Variants in DDX27 observed in about 807,000 individuals in gnomAD.
The protein encoded by DDX27 is DEAD-box helicase 27, also known as probable ATP-dependent RNA helicase DDX27.
In DDX27, 42 loss-of-function variants were observed where a neutral mutation model predicts 99.3. That is an observed-to-expected ratio of 0.42 (90% CI 0.33 to 0.55). The LOEUF is 0.55. Among genes scored for constraint, DDX27 ranks in the 20% least tolerant of loss-of-function variants. The probability of loss-of-function intolerance (pLI) is 0.07; values close to 1 mark genes in which losing one functional copy is unlikely to be tolerated. For synonymous variants in DDX27, 329 were observed against 353.8 expected (o/e 0.93, Z 0.79); for missense variants, 798 against 976.8 (o/e 0.82, Z 2.44).
At chr20:49,235,185 G>A in intron 12 of DDX27, 97 bp downstream of exon 12, 3 of 1,369,066 alleles carry the variant, frequency 2.2e-6, no homozygotes, top group Non-Finnish European at 2.9e-6. Context: ...TAGAACATTA[G>A]CAGGGGACAC....
At chr20:49,220,958 C>G (rs1182744398) in intron 1 of DDX27, among the ~76,000 whole-genome samples, 1 of 152,120 alleles carries the variant, frequency 6.6e-6, no homozygotes. Context: ...ACACTCCAGT[C>G]TCATTCACTT....
Position 49,221,599 on chromosome 20 carries a change from G to A in DDX27, c.240+1G>A. On this transcript the variant is annotated splice_donor_variant, in intron 2 of 20. Coordinates refer to ENST00000618172, the MANE Select transcript of DDX27 (RefSeq NM_017895.8). LOFTEE classifies it high-confidence loss of function. ...TGTCATGAGCCAACTCAAGAAGAAG[G>A]TGAGACTGACAGTGATGGACAGCTC... The A allele has an allele frequency of 6.3e-7, 1 of 1,596,292 alleles. No homozygotes were observed. Among genetic ancestry groups the A allele is most frequent in the Non-Finnish European group, 8.5e-7 (1 of 1,170,496 alleles).
intron 16 of DDX27, among the ~76,000 whole-genome samples, chr20:49,240,603 A>G (rs1279854423): frequency 6.6e-6 from 1 of 151,924 alleles, no homozygotes; most frequent in Non-Finnish European, 1.5e-5. Context: ...AATTTTTTGT[A>G]TTTTTAGTAG....
Position 49,222,938 on chromosome 20 carries a change from T to C in DDX27, c.241-19T>C. 1 of 1,584,874 alleles carries C rather than the reference T, an allele frequency of 6.3e-7. No individual in the cohort carries two copies. The highest frequency in any genetic ancestry group is 8.6e-7 in the Non-Finnish European group (1 of 1,168,930). Reference sequence around the variant, plus strand: ...TTTCAATGAAAATTTCTTTTTCACCTCTTTATTTTTATCTGCAGAGGGCAG... The same window carrying C: ...TTTCAATGAAAATTTCTTTTTCACCCCTTTATTTTTATCTGCAGAGGGCAG... On this transcript the variant is annotated intron_variant, in intron 2 of 20. Coordinates refer to ENST00000618172, the MANE Select transcript of DDX27 (RefSeq NM_017895.8).
chr20:49,223,574 T>A, intron 4 of DDX27, 141 bp downstream of exon 4: 1 of 416,570 alleles, frequency 2.4e-6, no homozygotes, highest in Non-Finnish European at 3.7e-6. Flanking sequence ...CTTTCTTTCT[T>A]TTTTTTTTTT....
chr20:49,228,644 C>A, intron 7 of DDX27, 71 bp from the exon 8 acceptor site: 1 of 1,375,782 alleles, frequency 7.3e-7, no homozygotes. Flanking sequence ...TTTTTCTGTG[C>A]TCTGGTGAAA....
At chr20:49,240,359 C>T (rs989534051) in intron 16 of DDX27, among the ~76,000 whole-genome samples, 1 of 152,202 alleles carries the variant, frequency 6.6e-6, no homozygotes, top group African/African-American at 2.4e-5. Context: ...TCACATTGTT[C>T]TATGCCTCGC....
intron 7 of DDX27, among the ~76,000 whole-genome samples, chr20:49,228,492 T>C (rs1431356226): frequency 1.3e-5 from 2 of 151,120 alleles, no homozygotes; most frequent in African/African-American, 2.4e-5. Context: ...AGGCTGGTCT[T>C]GAACTCCTGA....
chr20:49,235,089 G>GT lies in DDX27; in HGVS notation c.1427+2dup. On this transcript the variant is annotated splice_donor_variant, in intron 12 of 20. Transcript: ENST00000618172. LOFTEE classifies it high-confidence loss of function. ...AGACGCAGCGGCTGGAGGCCCTCCG[G>GT]TAACATTTGGGGTGGGGACTGAGGC... 6.2e-7 allele frequency: 1 copy of GT among 1,600,324 alleles called. No homozygotes were observed. Among genetic ancestry groups the GT allele is most frequent in the East Asian group, 2.2e-5 (1 of 44,738 alleles).
rs1006561155 is a variant in DDX27, at chr20:49,243,855, T to G, written c.*21T>G. ...AGTAGCTGTCGTGGCCTGAAGAAAT[T>G]CATGGGGGCAGCCCTTAAATCCCTT... On this transcript the variant is annotated 3_prime_UTR_variant, in exon 21 of 21. Coordinates refer to ENST00000618172, the MANE Select transcript of DDX27 (RefSeq NM_017895.8). 2 of 1,614,064 alleles carry G rather than the reference T, an allele frequency of 1.2e-6. No homozygotes were observed. Among genetic ancestry groups the G allele is most frequent in the Non-Finnish European group, 1.7e-6 (2 of 1,179,998 alleles).
At position 49,243,902 on chromosome 20, in the gene DDX27, C is replaced by G; in HGVS notation, c.*68C>G. 6.4e-7 allele frequency: 1 copy of G among 1,574,036 alleles called. No homozygotes were observed. Among genetic ancestry groups the G allele is most frequent in the Non-Finnish European group, 8.7e-7 (1 of 1,150,730 alleles). ...CCTTCCCTGTGGGAAGTCATCCTGG[C>G]TGGTCTGTCTTTTCTCCATTTGTTT... On this transcript the variant is annotated 3_prime_UTR_variant, in exon 21 of 21. Transcript: ENST00000618172.
At chr20:49,233,841 A>G (rs1269758775) in intron 11 of DDX27, 132 bp downstream of exon 11, 2 of 963,240 alleles carry the variant, frequency 2.1e-6, no homozygotes, top group East Asian at 2.5e-5. Context: ...GCTGCACTGC[A>G]CTAATGATGA....
chr20:49,226,601 C>T (rs1979897182), intron 7 of DDX27, 66 bp downstream of exon 7: 3 of 1,119,610 alleles, frequency 2.7e-6, no homozygotes, highest in African/African-American at 3.2e-5. Context: ...TCTAGGTTGA[C>T]TTACCAAAGG....
At chr20:49,233,887 T>G (rs1320916926) in intron 11 of DDX27, 178 bp downstream of exon 11, 2 of 664,526 alleles carry the variant, frequency 3.0e-6, no homozygotes, top group Non-Finnish European at 5.0e-6. Context: ...CCTTCCTCCC[T>G]TTGCTTTATC....
rs1979683119 is a variant in DDX27 at position 49,221,472 on chromosome 20, A to G, written c.114A>G (p.Arg38=). The G allele has an allele frequency of 1.2e-6, 2 of 1,613,578 alleles. No individual in the cohort carries two copies. The highest frequency in any genetic ancestry group is 1.7e-6 in the Non-Finnish European group (2 of 1,179,986). ...EEEEGPIVLG[R]RQKALGKNRS... ...CCCAGGGGCCCATTGTGCTGGGCAGACGACAAAAAGCTTTGGGGAAGAACC... is the reference window on the plus strand; with the variant it reads ...CCCAGGGGCCCATTGTGCTGGGCAGGCGACAAAAAGCTTTGGGGAAGAACC... The change falls in exon 2 of 21, where the codon AGA becomes AGG. Residue 38 remains arginine (R), a synonymous_variant. Transcript: ENST00000618172.
chr20:49,225,134 G>A lies in DDX27; in HGVS notation c.535G>A (p.Asp179Asn). ...KGQEAGGFFE[D>N]ASQYDENLSF... ...GTAGGAAGCAGGAGGATTTTTTGAA[G>A]ATGCATCTCAGTACGATGAAAACCT... Residue 179 changes from aspartate to asparagine, a missense_variant, in exon 6 of 21, where the codon GAT (aspartate) becomes AAT (asparagine). Around this residue, in one of 2 missense-constraint regions of DDX27, gnomAD observed 245 missense variants for 248.8 expected, o/e 0.98. Coordinates refer to ENST00000618172, the MANE Select transcript of DDX27 (RefSeq NM_017895.8). The A allele has an allele frequency of 1.9e-6, 3 of 1,614,048 alleles. No homozygotes were observed. Among genetic ancestry groups the A allele is most frequent in the Non-Finnish European group, 2.5e-6 (3 of 1,179,950 alleles).
chr20:49,230,987 ATTC>A (rs1477583448), intron 9 of DDX27: 3 of 152,306 alleles, frequency 2.0e-5, no homozygotes, highest in African/African-American at 7.2e-5. Context: ...GCTGTTCTGA[ATTC>A]TTAGCGTGTC....
chr20:49,224,085 C>T (rs1264642313), intron 4 of DDX27, among the ~76,000 whole-genome samples: 1 of 151,610 alleles, frequency 6.6e-6, no homozygotes, highest in African/African-American at 2.4e-5. Flanking sequence ...CTTTGTTGCT[C>T]AGGCTAGTCT....
rs769325833 is a variant in DDX27 at position 49,219,438 on chromosome 20, T to A, written c.-11T>A. ...GCTGTGCTCGCTTCCGGAAGTGGCTTCTGCGACAACATGCTTGCGGACCTC... is the reference window on the plus strand; with the variant it reads ...GCTGTGCTCGCTTCCGGAAGTGGCTACTGCGACAACATGCTTGCGGACCTC... On this transcript the variant is annotated 5_prime_UTR_variant, in exon 1 of 21. Coordinates refer to ENST00000618172, the MANE Select transcript of DDX27 (RefSeq NM_017895.8). 6.2e-7 allele frequency: 1 copy of A among 1,614,100 alleles called. No homozygotes were observed. Among genetic ancestry groups the A allele is most frequent in the Non-Finnish European group, 8.5e-7 (1 of 1,179,998 alleles).
Sources: gnomAD v4.1 joint callset for allele counts (sites outside exome capture counted in the v4.1 genomes callset) on GRCh38, gnomAD v4.1.1 for gene constraint, gnomAD v4.1.1 regional missense constraint, MANE v1.5 for transcripts, NCBI Gene and HGNC (gene_info 2026-07-23, HGNC 2026-07-21) for gene names.